MYH15: variants seen among roughly 807,000 people sequenced by gnomAD.
MYH15 encodes myosin heavy chain 15.
Under a neutral mutation model 240.5 loss-of-function variants are expected in MYH15, and 227 were observed. That is an observed-to-expected ratio of 0.94 (90% CI 0.85 to 1.05). The LOEUF (loss-of-function observed/expected upper bound fraction) is 1.05. MYH15 is among the 50% of genes least tolerant of loss of function. MYH15 has a pLI of 0.00. For missense variants in MYH15, 2,217 were observed against 2,247.5 expected (o/e 0.99, Z 0.27); for synonymous variants, 785 against 796.7 (o/e 0.99, Z 0.25).
intron 21 of MYH15, among the ~76,000 whole-genome samples, chr3:108,451,724 G>A (rs1425755470): frequency 2.6e-5 from 4 of 151,992 alleles, no homozygotes; most frequent in African/African-American, 4.8e-5. Flanking sequence ...GAAAATTACA[G>A]GCCAATCTTA....
chr3:108,521,338 G>C (rs965225151), intron 1 of MYH15, among the ~76,000 whole-genome samples: 3 of 151,602 alleles, frequency 2.0e-5, no homozygotes, highest in Non-Finnish European at 4.4e-5. Flanking sequence ...ACCTGAAAAT[G>C]TCTTTCTGGA....
intron 1 of MYH15, among the ~76,000 whole-genome samples, chr3:108,525,117 A>G (rs545545773): frequency 3.9e-5 from 6 of 152,158 alleles, no homozygotes; most frequent in Admixed American, 3.9e-4. Flanking sequence ...AATTTCAGCT[A>G]AAGATTGGGG....
chr3:108,389,208 G>T, intron 37 of MYH15, 134 bp from the exon 38 acceptor site: 1 of 651,934 alleles, frequency 1.5e-6, no homozygotes, highest in Non-Finnish European at 2.6e-6. Context: ...GCTTAAACAG[G>T]ACAGTGTCTC....
intron 11 of MYH15, among the ~76,000 whole-genome samples, chr3:108,482,615 T>C (rs2083275741): frequency 6.6e-6 from 1 of 152,262 alleles, no homozygotes; most frequent in South Asian, 2.1e-4. Flanking sequence ...ATATAAGATG[T>C]TTACAAGATC....
At chr3:108,391,953 T>A (rs773333159) in intron 36 of MYH15, 23 bp from the exon 37 acceptor site, 6 of 1,611,402 alleles carry the variant, frequency 3.7e-6, no homozygotes, top group Non-Finnish European at 3.4e-6. Flanking sequence ...AAAAAGGGAC[T>A]GAGCTAGTTC....
At chr3:108,454,505 G>A (rs2083003340) in intron 20 of MYH15, among the ~76,000 whole-genome samples, 2 of 152,122 alleles carry the variant, frequency 1.3e-5, no homozygotes, top group Admixed American at 6.5e-5. Context: ...TTTCTGTGAA[G>A]GATCAGATAG....
At chr3:108,410,521 G>A in intron 31 of MYH15, 62 bp downstream of exon 31, 2 of 1,210,322 alleles carry the variant, frequency 1.7e-6, no homozygotes, top group East Asian at 2.4e-5. Flanking sequence ...AGCCTTGCCT[G>A]TAGCCAGGGC....
intron 33 of MYH15, among the ~76,000 whole-genome samples, chr3:108,401,672 A>G (rs1356218858): frequency 6.6e-6 from 1 of 152,242 alleles, no homozygotes; most frequent in African/African-American, 2.4e-5. Context: ...TCCTCTGTAC[A>G]GAAATACATT....
chr3:108,495,506 C>T (rs140479710), intron 7 of MYH15, among the ~76,000 whole-genome samples: 2 of 152,174 alleles, frequency 1.3e-5, no homozygotes, highest in East Asian at 3.9e-4. Flanking sequence ...GGATGAGCTT[C>T]TCTACTGGGA....
chr3:108,456,730 G>A, intron 19 of MYH15, 36 bp downstream of exon 19: 1 of 1,454,754 alleles, frequency 6.9e-7, no homozygotes, highest in Non-Finnish European at 9.7e-7. Flanking sequence ...AGAATGAACT[G>A]CCTCAGGCTT....
chr3:108,395,021 T>A (rs2107538202), intron 35 of MYH15, among the ~76,000 whole-genome samples: 2 of 152,310 alleles, frequency 1.3e-5, no homozygotes, highest in South Asian at 4.1e-4. Context: ...ATCCTAGCAC[T>A]TTGGGAGGCT....
At chr3:108,511,964 G>A (rs2083525312), upstream of MYH15, among the ~76,000 whole-genome samples, 2 of 152,244 alleles carry the variant, frequency 1.3e-5, no homozygotes, top group African/African-American at 2.4e-5. Context: ...CAGCAAATAG[G>A]CATGTGACTT....
Position 108,464,691 on chromosome 3 carries a change from G to T in MYH15, c.1678C>A (p.Pro560Thr), listed in dbSNP as rs779260669. The T allele has an allele frequency of 1.9e-6, 3 of 1,613,874 alleles. No homozygotes were observed. Among genetic ancestry groups the T allele is most frequent in the East Asian group, 4.5e-5 (2 of 44,850 alleles). ...TGAGCTTCAAATTTCTTCTTATCAGGCTTGGGCTTCTGGAGATGAACCGAC... is the reference window on the plus strand; with the variant it reads ...TGAGCTTCAAATTTCTTCTTATCAGTCTTGGGCTTCTGGAGATGAACCGAC... ...GKSVHLQKPK[P>T]DKKKFEAHFE... is the part of the protein sequence containing the mutation. Residue 560 changes from proline to threonine, a missense_variant, in exon 15 of 41, where the codon CCT becomes ACT. By Grantham distance (38) the Pro-to-Thr change is conservative. Transcript: ENST00000693548.
rs532353736 is a variant in MYH15, at chr3:108,430,216, T to C, written c.3312+616A>G. Reference sequence around the variant, plus strand: ...TTCCAAAATTATTTTGAGTCATGGTTATATTACTAAGATATTTATTTAGCT... The same window carrying C: ...TTCCAAAATTATTTTGAGTCATGGTCATATTACTAAGATATTTATTTAGCT... On this transcript the variant is annotated intron_variant, in intron 26 of 40. Transcript: ENST00000693548. Among the ~76,000 whole-genome samples, 108 of 152,344 alleles carry C rather than the reference T, an allele frequency of 7.1e-4. 1 individual carries two copies. Among genetic ancestry groups the C allele is most frequent in the Non-Finnish European group, 1.2e-3 (83 of 68,020 alleles).
chr3:108,505,184 G>C (rs566378342), intron 2 of MYH15, among the ~76,000 whole-genome samples: 1 of 152,256 alleles, frequency 6.6e-6, no homozygotes, highest in South Asian at 2.1e-4. Flanking sequence ...GTGAGTTCTA[G>C]TCAATAATCC....
chr3:108,479,761 A>T (rs1406481814), intron 11 of MYH15, among the ~76,000 whole-genome samples: 1 of 151,144 alleles, frequency 6.6e-6, no homozygotes, highest in East Asian at 1.9e-4. Context: ...ACAGGTAAAA[A>T]GGTAGAGAAA....
chr3:108,493,594 CCTT>C (rs1165468886), intron 7 of MYH15, among the ~76,000 whole-genome samples: 2 of 152,174 alleles, frequency 1.3e-5, no homozygotes, highest in Admixed American at 1.3e-4. Context: ...ATCCAGGTAA[CCTT>C]CTAGGCACTG....
At position 108,470,109 on chromosome 3, in the gene MYH15, T is replaced by G. The variant is rs2083159131; in HGVS notation, c.1487A>C (p.Glu496Ala). The G allele has an allele frequency of 6.2e-7, 1 of 1,612,178 alleles. No individual in the cohort carries two copies. The highest frequency in any genetic ancestry group is 1.1e-5 in the South Asian group (1 of 90,566). ...FVLEQEEYKK[E>A]SIEWVSIGFG... ...GCCAATAGACACCCATTCAATGCTT[T>G]CTTTCTTATATTCCTCTTGCTCCAG... The change falls in exon 14 of 41, where the codon GAA becomes GCA. Residue 496 changes from glutamate (E) to alanine (A), a missense_variant. By Grantham distance (107) the Glu-to-Ala change is moderately radical. Transcript: ENST00000693548.
chr3:108,437,185 A>ATT lies in MYH15; in HGVS notation c.3221+367_3221+368dup, dbSNP rs10714366. The stretch of plus-strand genomic sequence containing the variant: ...TATGTAAGTCTTCACATCAGGATCA[A>ATT]TTTTTTTTTTTTTTTTTACATTTTA... On this transcript the variant is annotated intron_variant, in intron 25 of 40. Transcript: ENST00000693548. Among the ~76,000 whole-genome samples, 854 of 142,504 alleles carry ATT rather than the reference A, an allele frequency of 6.0e-3. 6 individuals carry two copies. Among genetic ancestry groups the ATT allele is most frequent in the South Asian group, 0.031 (141 of 4,478 alleles). 93.5% of individuals were successfully genotyped at this position (142,504 alleles called of 152,430 possible). A position where few individuals can be genotyped will look rare whatever the true frequency, so the allele number is the denominator to read the frequency against.
Sources: allele counts gnomAD v4.1 joint callset (sites outside exome capture counted in the v4.1 genomes callset), GRCh38; gene constraint gnomAD v4.1.1; transcripts MANE v1.5; gene names NCBI Gene and HGNC (gene_info 2026-07-23, HGNC 2026-07-21).